HEMK1: variants seen among roughly 807,000 people sequenced by gnomAD.
The protein encoded by HEMK1 is MTRF1L release factor glutamine methyltransferase.
Under a neutral mutation model 47.9 loss-of-function variants are expected in HEMK1, and 36 were observed. The observed-to-expected ratio is 0.75, with a 90% CI of 0.58 to 0.99. HEMK1 has a LOEUF of 0.99. Ranked by LOEUF, HEMK1 falls within the 50% of genes least tolerant of loss-of-function variation. The probability of loss-of-function intolerance (pLI) is 0.00; values close to 1 mark genes in which losing one functional copy is unlikely to be tolerated. For missense variants in HEMK1, 383 were observed against 434.5 expected (o/e 0.88, Z 1.05); for synonymous variants, 153 against 165.4 (o/e 0.93, Z 0.57).
intron 4 of HEMK1, 39 bp from the exon 5 acceptor site, chr3:50,577,013 G>T (rs779392917): frequency 1.9e-6 from 3 of 1,611,650 alleles, no homozygotes; most frequent in South Asian, 2.2e-5. Flanking sequence ...CAGGAGCCAC[G>T]TTGGCACCGA....
intron 4 of HEMK1, among the ~76,000 whole-genome samples, chr3:50,573,963 T>A (rs1293457561): frequency 6.6e-6 from 1 of 152,196 alleles, no homozygotes; most frequent in African/African-American, 2.4e-5. Flanking sequence ...CAGTGTTTTG[T>A]CTGTGATTGG....
Position 50,579,830 on chromosome 3 carries a change from G to A in HEMK1, c.771-14G>A. 2 of 1,603,364 alleles carry A rather than the reference G, an allele frequency of 1.2e-6. No individual in the cohort carries two copies. Among genetic ancestry groups the A allele is most frequent in the South Asian group, 2.2e-5 (2 of 90,636 alleles). ...CTTTCTCAGGCTGTCACCTCCCACT[G>A]CTTTGCCTTTCAGCTATGAAGACCC... On this transcript the variant is annotated splice_polypyrimidine_tract_variant and intron_variant, in intron 8 of 10. Coordinates refer to ENST00000232854, the MANE Select transcript of HEMK1 (RefSeq NM_016173.5).
chr3:50,592,983 T>C lies in HEMK1; in HGVS notation c.*12566T>C, dbSNP rs1271759666. The C allele has an allele frequency of 6.6e-6, 1 of 152,274 alleles. No individual in the cohort carries two copies. Among genetic ancestry groups the C allele is most frequent in the Non-Finnish European group, 1.5e-5 (1 of 68,110 alleles). The allele number at this position is 152,274 out of a possible 1,614,324, so 9.4% of individuals were successfully genotyped here. A position where few individuals can be genotyped will look rare whatever the true frequency, so the allele number is the denominator to read the frequency against. ...GGGTGAGGGGTGGGGGCCAGACAAA[T>C]TGTAGAGGAGCCTCAGGTCTTTGGG... On this transcript the variant is annotated 3_prime_UTR_variant, in exon 11 of 11. Coordinates refer to ENST00000232854, the MANE Select transcript of HEMK1 (RefSeq NM_016173.5).
chr3:50,580,804 G>T lies in HEMK1; in HGVS notation c.*387G>T. On this transcript the variant is annotated 3_prime_UTR_variant, in exon 11 of 11. Coordinates refer to ENST00000232854, the MANE Select transcript of HEMK1 (RefSeq NM_016173.5). The stretch of plus-strand genomic sequence containing the variant: ...TCAGTCCCCTGCTTGGTAGTGGTGT[G>T]GGGGTGCAGTGTGGAGGAAGGCACG... The T allele has an allele frequency of 6.5e-6, 2 of 308,342 alleles. No individual in the cohort carries two copies. The highest frequency in any genetic ancestry group is 1.2e-5 in the Non-Finnish European group (2 of 161,854). The allele number at this position is 308,342 out of a possible 1,614,324, so 19.1% of individuals were successfully genotyped here.
intron 4 of HEMK1, among the ~76,000 whole-genome samples, chr3:50,572,787 A>C (rs1701155230): frequency 6.6e-6 from 1 of 152,184 alleles, no homozygotes; most frequent in Admixed American, 6.5e-5. Flanking sequence ...GTGTGGCGCA[A>C]GTGTGTTATC....
chr3:50,580,729 C>G lies in HEMK1; in HGVS notation c.*312C>G. The G allele has an allele frequency of 2.3e-6, 1 of 432,922 alleles. No homozygotes were observed. Among genetic ancestry groups the G allele is most frequent in the Admixed American group, 4.0e-5 (1 of 24,728 alleles). The allele number at this position is 432,922 out of a possible 1,614,324, so 26.8% of individuals were successfully genotyped here. On this transcript the variant is annotated 3_prime_UTR_variant, in exon 11 of 11. Transcript: ENST00000232854. ...TGCAGGTCCCCTGACCCCCTTACTC[C>G]CAGGTAGCACTGGGGCAAGGGTTTC...
rs1156991082 is a variant in HEMK1, at chr3:50,580,828, C to T, written c.*411C>T. On this transcript the variant is annotated 3_prime_UTR_variant, in exon 11 of 11. Transcript: ENST00000232854. The stretch of plus-strand genomic sequence containing the variant: ...TGGGGGTGCAGTGTGGAGGAAGGCA[C>T]GTGAGTCCTCACTCCTGGCCTTGGA... The T allele has an allele frequency of 1.6e-5, 4 of 253,510 alleles. No homozygotes were observed. Among genetic ancestry groups the T allele is most frequent in the Non-Finnish European group, 3.1e-5 (4 of 129,814 alleles). 15.7% of individuals were successfully genotyped at this position (253,510 alleles called of 1,614,324 possible).
intron 2 of HEMK1, 53 bp from the exon 3 acceptor site, chr3:50,571,657 G>T (rs1451465135): frequency 6.6e-7 from 1 of 1,524,582 alleles, no homozygotes; most frequent in Non-Finnish European, 9.1e-7. Flanking sequence ...AGACACCTGG[G>T]TTGGGGGCCT....
chr3:50,580,326 C>T (rs145862709), intron 10 of HEMK1, 55 bp from the exon 11 acceptor site: 2 of 1,611,630 alleles, frequency 1.2e-6, no homozygotes, highest in Non-Finnish European at 1.7e-6. Flanking sequence ...GTTCCCACTT[C>T]CTGTTCATTC....
At chr3:50,578,540 G>A (rs1176106570) in intron 7 of HEMK1, among the ~76,000 whole-genome samples, 12 of 152,244 alleles carry the variant, frequency 7.9e-5, no homozygotes, top group South Asian at 6.2e-4. Context: ...CAGGGAGGAC[G>A]CCCTGGAAGT....
chr3:50,580,289 C>T lies in HEMK1; in HGVS notation c.980+60C>T. The T allele has an allele frequency of 3.1e-6, 5 of 1,604,942 alleles. 1 individual carries two copies. The Middle Eastern group carries it at 5.0e-4, about 160-fold the overall frequency. On this transcript the variant is annotated intron_variant, in intron 10 of 10. Transcript: ENST00000232854. ...CTGGTCTTTCCACTGGGGCCATCCT[C>T]AGCCCTGGCTGTCAGGAGAGTGTGC...
At chr3:50,577,635 C>A in intron 6 of HEMK1, 62 bp downstream of exon 6, 2 of 1,524,920 alleles carry the variant, frequency 1.3e-6, no homozygotes, top group Non-Finnish European at 1.8e-6. Flanking sequence ...TCAAACTCAC[C>A]AATGTCTGAT....
chr3:50,577,432 AG>A, intron 5 of HEMK1, 76 bp from the exon 6 acceptor site: 1 of 1,408,230 alleles, frequency 7.1e-7, no homozygotes, highest in Non-Finnish European at 1.0e-6. Flanking sequence ...GGGTTGGAGG[AG>A]GGTCCCCCAG....
chr3:50,572,093 C>T, intron 3 of HEMK1, 22 bp from the exon 4 acceptor site: 2 of 1,613,550 alleles, frequency 1.2e-6, no homozygotes, highest in Non-Finnish European at 1.7e-6. Context: ...CCCTGATGAC[C>T]ACCCAGCTGC....
chr3:50,572,205 A>G lies in HEMK1; in HGVS notation c.411A>G (p.Thr137=), dbSNP rs772252733. The change falls in exon 4 of 11, where the codon ACA becomes ACG. Residue 137 remains threonine (T), a synonymous_variant. Transcript: ENST00000232854. Reference sequence around the variant, plus strand: ...CAGTGTTTATTCCTCGGCCAGAAACAGAGGTAGGTGTGCCACCAGGGCAAG... The same window carrying G: ...CAGTGTTTATTCCTCGGCCAGAAACGGAGGTAGGTGTGCCACCAGGGCAAG... ...VPPVFIPRPE[T]EELVEWVLEE... is the part of the protein sequence containing the mutation. 1.9e-6 allele frequency: 3 copies of G among 1,610,508 alleles called. No individual in the cohort carries two copies. The Admixed American group carries it at 5.0e-5, about 27-fold the overall frequency.
chr3:50,573,265 A>C (rs417592), intron 4 of HEMK1, among the ~76,000 whole-genome samples: 1 of 152,094 alleles, frequency 6.6e-6, no homozygotes, highest in Non-Finnish European at 1.5e-5. Context: ...TCAGAGCCCC[A>C]TCCCTCACAT....
In HEMK1 at chr3:50,586,282, C is replaced by T. The variant is rs1328334650; in HGVS notation, c.*5865C>T. 1 of 152,270 alleles carries T rather than the reference C, an allele frequency of 6.6e-6. No individual in the cohort carries two copies. The highest frequency in any genetic ancestry group is 1.5e-5 in the Non-Finnish European group (1 of 68,052). The allele number at this position is 152,270 out of a possible 1,614,324, so 9.4% of individuals were successfully genotyped here. ...CCCTTTTCTTCCAAAGACTACCTCT[C>T]ACACATACAGCAGTCCTGCAGGAAA... On this transcript the variant is annotated 3_prime_UTR_variant, in exon 11 of 11. Transcript: ENST00000232854.
chr3:50,577,366 C>G, intron 5 of HEMK1, 143 bp from the exon 6 acceptor site: 1 of 1,134,314 alleles, frequency 8.8e-7, no homozygotes, highest in South Asian at 1.3e-5. Flanking sequence ...ATCTATCTGG[C>G]TAGACTTTGG....
rs1453102023 is a variant in HEMK1 at position 50,585,582 on chromosome 3, C to T, written c.*5165C>T. 2 of 152,226 alleles carry T rather than the reference C, an allele frequency of 1.3e-5. No homozygotes were observed. The highest frequency in any genetic ancestry group is 2.9e-5 in the Non-Finnish European group (2 of 68,060). The allele number at this position is 152,226 out of a possible 1,614,324, so 9.4% of individuals were successfully genotyped here. Reference sequence around the variant, plus strand: ...AAGGCTTGGGGCTCCTGAAGCCAGTCCTAACCCAGGAGCCACATGGAGAGC... The same window carrying T: ...AAGGCTTGGGGCTCCTGAAGCCAGTTCTAACCCAGGAGCCACATGGAGAGC... On this transcript the variant is annotated 3_prime_UTR_variant, in exon 11 of 11. Coordinates refer to ENST00000232854, the MANE Select transcript of HEMK1 (RefSeq NM_016173.5).
Sources: allele counts gnomAD v4.1 joint callset (sites outside exome capture counted in the v4.1 genomes callset), GRCh38; gene constraint gnomAD v4.1.1; transcripts MANE v1.5; gene names NCBI Gene and HGNC (gene_info 2026-07-23, HGNC 2026-07-21).